The following SMARCC1 variants were observed in gnomAD, a reference collection of about 807,000 sequenced individuals.
SMARCC1 encodes the protein SWI/SNF related BAF chromatin remodeling complex subunit C1.
Under a neutral mutation model 147.4 loss-of-function variants are expected in SMARCC1, and 43 were observed. That is an observed-to-expected ratio of 0.29 (90% CI 0.23 to 0.38). The LOEUF is 0.38. Ranked by LOEUF, SMARCC1 falls within the 10% of genes least tolerant of loss-of-function variation. The probability of loss-of-function intolerance (pLI) is 1.00; values close to 1 mark genes in which losing one functional copy is unlikely to be tolerated. For missense variants in SMARCC1, 1,119 were observed against 1,381.1 expected, an observed-to-expected ratio of 0.81 and a Z score of 3.01; for synonymous variants, 495 against 484.4, an observed-to-expected ratio of 1.02 and a Z score of -0.29.
chr3:47,629,123 A>G (rs1324673353), intron 24 of SMARCC1, among the ~76,000 whole-genome samples: 1 of 152,248 alleles, frequency 6.6e-6, no homozygotes, highest in Non-Finnish European at 1.5e-5. Context: ...CAAATTTGCC[A>G]TCAACGATGA....
intron 17 of SMARCC1, 75 bp downstream of exon 17, chr3:47,676,550 ATAAT>A: frequency 9.9e-7 from 1 of 1,013,428 alleles, no homozygotes; most frequent in Non-Finnish European, 1.5e-6. Context: ...TAGTATAATA[ATAAT>A]TGTTTCTAAA....
In SMARCC1 at chr3:47,662,322, G is replaced by C; in HGVS notation, c.2158+12C>G. 1 of 1,612,230 alleles carries C rather than the reference G, an allele frequency of 6.2e-7. No homozygotes were observed. The highest frequency in any genetic ancestry group is 8.5e-7 in the Non-Finnish European group (1 of 1,179,052). On this transcript the variant is annotated intron_variant, in intron 20 of 27. Transcript: ENST00000254480. ...TTTTTCTGTTGAGGAGATGGTTTAG[G>C]GAAGTCCATACCCAAAGCCGCTTTT... is the stretch of plus-strand genomic sequence containing the variant.
intron 14 of SMARCC1, among the ~76,000 whole-genome samples, chr3:47,683,971 G>T (rs938553675): frequency 6.8e-6 from 1 of 147,716 alleles, no homozygotes; most frequent in Admixed American, 6.8e-5. Context: ...GACAGTACTC[G>T]GCCGGGCGCG....
intron 2 of SMARCC1, among the ~76,000 whole-genome samples, chr3:47,753,470 T>C (rs764571028): frequency 4.0e-5 from 6 of 151,678 alleles, no homozygotes; most frequent in South Asian, 2.1e-4. Flanking sequence ...TCTGAGCACT[T>C]TGGGAGGCCG....
chr3:47,768,085 C>T (rs1327429430), intron 2 of SMARCC1, among the ~76,000 whole-genome samples: 1 of 152,074 alleles, frequency 6.6e-6, no homozygotes, highest in Admixed American at 6.6e-5. Context: ...AGAGTTTTGA[C>T]CACCTTGGCC....
chr3:47,765,120 G>A (rs928281397), intron 2 of SMARCC1, among the ~76,000 whole-genome samples: 6 of 152,092 alleles, frequency 3.9e-5, no homozygotes, highest in South Asian at 2.1e-4. Flanking sequence ...GCGTGGTGGC[G>A]CATGCCTGTA....
At chr3:47,759,667 G>T (rs1310993359) in intron 2 of SMARCC1, among the ~76,000 whole-genome samples, 1 of 150,962 alleles carries the variant, frequency 6.6e-6, no homozygotes, top group Non-Finnish European at 1.5e-5. Context: ...AGGCGCAGTG[G>T]CTCATGCCTG....
chr3:47,749,670 A>AACACACACACACAC lies in SMARCC1; in HGVS notation c.316-3691_316-3678dup, dbSNP rs1328820771. Among the ~76,000 whole-genome samples, 296 of 92,490 alleles carry AACACACACACACAC rather than the reference A, an allele frequency of 3.2e-3. 3 individuals carry two copies. Among genetic ancestry groups the AACACACACACACAC allele is most frequent in the African/African-American group, 7.4e-3 (222 of 30,124 alleles). The allele number at this position is 92,490 out of a possible 152,430, so 60.7% of individuals were successfully genotyped here. A position where few individuals can be genotyped will look rare whatever the true frequency, so the allele number is the denominator to read the frequency against. ...TGACAAAGTGAGACCCTCTAAATTA[A>AACACACACACACAC]ACACACACACACACACACACAAAGT... On this transcript the variant is annotated intron_variant, in intron 2 of 27. Coordinates refer to ENST00000254480, the MANE Select transcript of SMARCC1 (RefSeq NM_003074.4).
intron 2 of SMARCC1, among the ~76,000 whole-genome samples, chr3:47,749,320 T>C (rs114422264): frequency 0.012 from 1,857 of 151,944 alleles, 18 homozygotes; most frequent in Non-Finnish European, 0.019. Context: ...TTAAATGGCA[T>C]ATTTTGTTAC....
At chr3:47,667,078 G>A (rs1449862061) in intron 19 of SMARCC1, among the ~76,000 whole-genome samples, 1 of 152,174 alleles carries the variant, frequency 6.6e-6, no homozygotes, top group Non-Finnish European at 1.5e-5. Flanking sequence ...AGCACTTTGG[G>A]ATGCTGAGGT....
chr3:47,766,478 G>A (rs1022632975), intron 2 of SMARCC1, among the ~76,000 whole-genome samples: 38 of 151,892 alleles, frequency 2.5e-4, no homozygotes, highest in African/African-American at 7.5e-4. Context: ...GAGGTGGGAG[G>A]ATCTACCTGA....
At position 47,588,263 on chromosome 3, in the gene SMARCC1, T is replaced by G. The variant is rs1165717316; in HGVS notation, c.3264A>C (p.Ala1088=). ...GAGCAGGAGGCGGAGGGACCCCATC[T>G]GCAGGTGGTGGTGGCGGTGGCTGCT... ...PQQQPPPPPP[A]DGVPPPPAPG... The change falls in exon 28 of 28, where the codon GCA becomes GCC. Residue 1088 remains alanine (A), a synonymous_variant. Transcript: ENST00000254480. 1 of 1,614,014 alleles carries G rather than the reference T, an allele frequency of 6.2e-7. No homozygotes were observed. Among genetic ancestry groups the G allele is most frequent in the Non-Finnish European group, 8.5e-7 (1 of 1,179,934 alleles).
intron 2 of SMARCC1, among the ~76,000 whole-genome samples, chr3:47,758,557 AG>A (rs2034731150): frequency 6.6e-6 from 1 of 152,116 alleles, no homozygotes; most frequent in Non-Finnish European, 1.5e-5. Flanking sequence ...AAGTTTTACC[AG>A]TACACAGCCA....
chr3:47,695,328 G>A (rs1348331920), intron 11 of SMARCC1, among the ~76,000 whole-genome samples: 1 of 152,134 alleles, frequency 6.6e-6, no homozygotes, highest in Non-Finnish European at 1.5e-5. Context: ...ATGCAAGTAT[G>A]TACTTTACAA....
At chr3:47,605,408 A>G (rs2032456350) in intron 26 of SMARCC1, among the ~76,000 whole-genome samples, 1 of 152,248 alleles carries the variant, frequency 6.6e-6, no homozygotes, top group East Asian at 1.9e-4. Flanking sequence ...TGTATAGCAA[A>G]CAGAAGGAAC....
intron 21 of SMARCC1, among the ~76,000 whole-genome samples, chr3:47,652,658 A>T (rs1466593791): frequency 2.0e-5 from 3 of 149,972 alleles, no homozygotes; most frequent in Non-Finnish European, 4.4e-5. Flanking sequence ...CCTCCAAAGG[A>T]TTCTCCTGAA....
intron 21 of SMARCC1, among the ~76,000 whole-genome samples, chr3:47,645,769 T>A (rs962896696): frequency 6.6e-6 from 1 of 152,210 alleles, no homozygotes; most frequent in African/African-American, 2.4e-5. Context: ...TAGGTCCACA[T>A]TCCAAAAGGA....
intron 3 of SMARCC1, among the ~76,000 whole-genome samples, chr3:47,741,109 T>C (rs1181370756): frequency 1.3e-5 from 2 of 151,974 alleles, no homozygotes; most frequent in Non-Finnish European, 2.9e-5. Flanking sequence ...TAGAAGACCA[T>C]GTTAAATGAT....
rs564017830 is a variant in SMARCC1 at position 47,615,752 on chromosome 3, C to T, written c.2782-5425G>A. 2.6e-5 allele frequency among the ~76,000 whole-genome samples: 4 copies of T among 152,308 alleles called. No homozygotes were observed. The East Asian group carries it at 5.8e-4, about 22-fold the overall frequency. On this transcript the variant is annotated intron_variant, in intron 25 of 27. Coordinates refer to ENST00000254480, the MANE Select transcript of SMARCC1 (RefSeq NM_003074.4). ...AGCCTAGAGTGCAATGGCGCCATCACGGCTCACTGCAACCTCTGCCTCCTG... is the reference window on the plus strand; with the variant it reads ...AGCCTAGAGTGCAATGGCGCCATCATGGCTCACTGCAACCTCTGCCTCCTG...
Sources: allele counts gnomAD v4.1 joint callset (sites outside exome capture counted in the v4.1 genomes callset), GRCh38; gene constraint gnomAD v4.1.1; transcripts MANE v1.5; gene names NCBI Gene and HGNC (gene_info 2026-07-23, HGNC 2026-07-21).